The following DGKA variants were observed in gnomAD, a reference collection of about 807,000 sequenced individuals.
The protein encoded by DGKA is 80 kDa diacylglycerol kinase.
Under a neutral mutation model 105.0 loss-of-function variants are expected in DGKA, and 35 were observed. The ratio of observed to expected loss-of-function variants is 0.33; its 90% confidence interval spans 0.25 to 0.44. The LOEUF is 0.44. Among genes scored for constraint, DGKA ranks in the 20% least tolerant of loss-of-function variants. The pLI is 1.00. For synonymous variants in DGKA, 296 were observed against 332.0 expected (o/e 0.89, Z 1.18); for missense variants, 665 against 915.0 (o/e 0.73, Z 3.53).
At chr12:55,927,363 A>C, upstream of DGKA, 1 of 725,994 alleles carries the variant, frequency 1.4e-6, no homozygotes, top group East Asian at 2.7e-5. Context: ...CAGGGAGCCA[A>C]GAGAAGTTCC....
intron 17 of DGKA, among the ~76,000 whole-genome samples, chr12:55,949,804 T>A (rs945930836): frequency 6.6e-6 from 1 of 152,152 alleles, no homozygotes; most frequent in African/African-American, 2.4e-5. Flanking sequence ...TTGCACATTT[T>A]TCCTTTTTTG....
At chr12:55,933,151 T>C (rs1015132059) in intron 1 of DGKA, among the ~76,000 whole-genome samples, 1 of 152,258 alleles carries the variant, frequency 6.6e-6, no homozygotes, top group African/African-American at 2.4e-5. Context: ...CCATGAGCTC[T>C]AAGATTTAGT....
rs763944181 is a variant in DGKA, at chr12:55,940,780, G to A, written c.1017+58G>A. ...GGAGTGCCTCCCCGATTTCCCACACGCACAGAGTGGCATTTAGAATAGAGA... is the reference window on the plus strand; with the variant it reads ...GGAGTGCCTCCCCGATTTCCCACACACACAGAGTGGCATTTAGAATAGAGA... On this transcript the variant is annotated intron_variant, in intron 12 of 23. Transcript: ENST00000331886. The surrounding 1 kb of genome is among the most constrained non-coding windows in gnomAD (Gnocchi z 4.3). The A allele has an allele frequency of 1.2e-5, 19 of 1,592,612 alleles. No homozygotes were observed. Among genetic ancestry groups the A allele is most frequent in the Middle Eastern group, 1.7e-4 (1 of 6,042 alleles).
At chr12:55,927,713 C>T (rs1883221382), upstream of DGKA, 1 of 1,539,516 alleles carries the variant, frequency 6.5e-7, no homozygotes, top group East Asian at 2.4e-5. Flanking sequence ...GAGGGCGCCG[C>T]GGGTCGGTCA....
rs529258657 is a variant in DGKA at position 55,936,520 on chromosome 12, G to A, written c.17G>A (p.Gly6Asp). The change falls in exon 2 of 24, where the codon GGC becomes GAC. Residue 6 changes from glycine (G) to aspartate (D), a missense_variant. This residue lies in a region of DGKA where 504 missense variants were observed against 681.2 expected (regional missense o/e 0.74). Transcript: ENST00000331886. Reference protein sequence around the residue: MAKERGLISPSDFAQL... With the variant: MAKERDLISPSDFAQL... ...AATAGACAGATGGCCAAGGAGAGGG[G>A]CCTAATAAGCCCCAGTGATTTTGCC... 3 of 1,614,108 alleles carry A rather than the reference G, an allele frequency of 1.9e-6. No homozygotes were observed. The South Asian group carries it at 3.3e-5, about 18-fold the overall frequency.
In DGKA at chr12:55,938,929, T is replaced by C; in HGVS notation, c.414T>C (p.Ile138=). Residue 138 remains isoleucine, a synonymous_variant, in exon 7 of 24, where the codon ATT becomes ATC. Coordinates refer to ENST00000331886, the MANE Select transcript of DGKA (RefSeq NM_001345.5). ...TTTTGCTCCAGGAAGTGGACAAAAT[T>C]ATCCTACAGATGATGCGAGTGGCTG... ...GILDSSEVDK[I]ILQMMRVAEY... The C allele has an allele frequency of 1.2e-6, 2 of 1,614,204 alleles. No homozygotes were observed. The highest frequency in any genetic ancestry group is 1.7e-6 in the Non-Finnish European group (2 of 1,180,038).
At position 55,932,022 on chromosome 12, in the gene DGKA, C is replaced by A. The variant is rs1033682425; in HGVS notation, c.-82+678C>A. 6 of 152,960 alleles carry A rather than the reference C, an allele frequency of 3.9e-5. No homozygotes were observed. The highest frequency in any genetic ancestry group is 3.2e-4 in the Admixed American group (5 of 15,410). 9.5% of individuals were successfully genotyped at this position (152,960 alleles called of 1,614,324 possible). Reference sequence around the variant, plus strand: ...GCTATGTCGTCAGGAACGGGGCGGCCCCGCTGCGGCCGCGTCTGCCTGGCC... The same window carrying A: ...GCTATGTCGTCAGGAACGGGGCGGCACCGCTGCGGCCGCGTCTGCCTGGCC... On this transcript the variant is annotated intron_variant, in intron 1 of 23. Transcript: ENST00000331886. This position sits in a 1 kb window ranked among gnomAD's most constrained non-coding sequence, Gnocchi z 4.3.
Position 55,937,962 on chromosome 12 carries a change from G to A in DGKA, c.275-16G>A. ...TGGAGGGAGCCCTGACTTCTGATCTGCTTTTTTGTAACCAGATGTGGTGTG... is the reference window on the plus strand; with the variant it reads ...TGGAGGGAGCCCTGACTTCTGATCTACTTTTTTGTAACCAGATGTGGTGTG... On this transcript the variant is annotated splice_polypyrimidine_tract_variant and intron_variant, in intron 4 of 23. Coordinates refer to ENST00000331886, the MANE Select transcript of DGKA (RefSeq NM_001345.5). 6.2e-7 allele frequency: 1 copy of A among 1,613,330 alleles called. No homozygotes were observed. Among genetic ancestry groups the A allele is most frequent in the Admixed American group, 1.7e-5 (1 of 60,008 alleles).
At chr12:55,937,606 T>G in intron 4 of DGKA, 63 bp downstream of exon 4, 1 of 1,580,228 alleles carries the variant, frequency 6.3e-7, no homozygotes, top group Non-Finnish European at 8.6e-7. Context: ...AGTATGGATT[T>G]GGGGTTGAGA....
chr12:55,941,363 C>T (rs762523283), intron 14 of DGKA, 38 bp downstream of exon 14: 2 of 1,604,182 alleles, frequency 1.2e-6, no homozygotes, highest in Non-Finnish European at 1.7e-6. Context: ...AGATGAGAGG[C>T]AGGGCCTGCC....
At position 55,937,880 on chromosome 12, in the gene DGKA, C is replaced by G; in HGVS notation, c.275-98C>G. 2.6e-6 allele frequency: 3 copies of G among 1,137,494 alleles called. No homozygotes were observed. In the Admixed American group the frequency reaches 6.4e-5, roughly 24 times the overall value. The allele number at this position is 1,137,494 out of a possible 1,614,324, so 70.5% of individuals were successfully genotyped here. On this transcript the variant is annotated intron_variant, in intron 4 of 23. Coordinates refer to ENST00000331886, the MANE Select transcript of DGKA (RefSeq NM_001345.5). ...CTGTCTCTCAAAAAAATCAGTAAATCTTTTTTTTAAAAAAAGGGAGAGGTG... is the reference window on the plus strand; with the variant it reads ...CTGTCTCTCAAAAAAATCAGTAAATGTTTTTTTTAAAAAAAGGGAGAGGTG...
rs766214327 is a variant in DGKA, at chr12:55,939,192, C to A, written c.481C>A (p.Gln161Lys). 6.2e-7 allele frequency: 1 copy of A among 1,614,020 alleles called. No homozygotes were observed. Among genetic ancestry groups the A allele is most frequent in the Non-Finnish European group, 8.5e-7 (1 of 1,179,936 alleles). The change falls in exon 8 of 24, where the codon CAG becomes AAG. Residue 161 changes from glutamine (Q) to lysine (K), a missense_variant. Around this residue, in one of 3 missense-constraint regions of DGKA, gnomAD observed 504 missense variants for 681.2 expected, o/e 0.74. Coordinates refer to ENST00000331886, the MANE Select transcript of DGKA (RefSeq NM_001345.5). ...WDVSELRPIL[Q>K]EMMKEIDYDG... ...CTTTCCACTCTGTGCTCAGATTCTTCAGGAGATGATGAAAGAGATTGACTA... is the reference window on the plus strand; with the variant it reads ...CTTTCCACTCTGTGCTCAGATTCTTAAGGAGATGATGAAAGAGATTGACTA...
intron 2 of DGKA, 174 bp from the exon 3 acceptor site, chr12:55,936,843 A>C (rs1169709789): frequency 1.2e-6 from 1 of 806,520 alleles, no homozygotes; most frequent in Non-Finnish European, 2.2e-6. Flanking sequence ...CTCAGAGAAG[A>C]GGAGTAAAGA....
Position 55,953,095 on chromosome 12 carries a change from C to T in DGKA, c.1998C>T (p.Gly666=). ...GGCTGGAGGGTGCAATTGAGATGGG[C>T]CAAATCTATACCAAGCTCAAGAATG... is the stretch of plus-strand genomic sequence containing the variant. ...VVGLEGAIEM[G]QIYTKLKNAG... Residue 666 remains glycine, a synonymous_variant, in exon 22 of 24, where the codon GGC becomes GGT. Transcript: ENST00000331886. The T allele has an allele frequency of 6.2e-7, 1 of 1,614,076 alleles. No individual in the cohort carries two copies. The highest frequency in any genetic ancestry group is 8.5e-7 in the Non-Finnish European group (1 of 1,180,020).
intron 6 of DGKA, 59 bp from the exon 7 acceptor site, chr12:55,938,856 G>C: frequency 1.2e-6 from 2 of 1,605,388 alleles, no homozygotes; most frequent in Non-Finnish European, 8.5e-7. Flanking sequence ...TTCTGGAAAA[G>C]AGTTTGGATG....
upstream of DGKA, chr12:55,930,938 AG>A (rs1220665202): frequency 6.6e-6 from 1 of 152,134 alleles, no homozygotes; most frequent in African/African-American, 2.4e-5. Flanking sequence ...CCCCACCAAA[AG>A]TATGTATATA....
chr12:55,927,436 G>C (rs1208679903), upstream of DGKA: 1 of 707,862 alleles, frequency 1.4e-6, no homozygotes, highest in East Asian at 2.7e-5. Flanking sequence ...AGGGAAAAGG[G>C]CGCAAGGCCC....
At chr12:55,927,866 CT>C, upstream of DGKA, 2 of 1,435,274 alleles carry the variant, frequency 1.4e-6, no homozygotes, top group South Asian at 2.6e-5. Context: ...GCCCTAGTTG[CT>C]TCTCGCCCAG....
At chr12:55,927,591 G>T, upstream of DGKA, 1 of 1,176,118 alleles carries the variant, frequency 8.5e-7, no homozygotes, top group Non-Finnish European at 1.2e-6. Flanking sequence ...TTCTAGGGAC[G>T]GTTGGAGACC....
Sources: gnomAD v4.1 joint callset for allele counts (sites outside exome capture counted in the v4.1 genomes callset) on GRCh38, gnomAD v4.1.1 for gene constraint, gnomAD v4.1.1 regional missense constraint, Gnocchi (gnomAD v3.1) non-coding constraint, MANE v1.5 for transcripts, NCBI Gene and HGNC (gene_info 2026-07-23, HGNC 2026-07-21) for gene names.